The following CERS3 variants were observed in gnomAD, a reference collection of about 807,000 sequenced individuals.
The protein encoded by CERS3 is LAG1 homolog, ceramide synthase 3.
A neutral mutation model predicts 50.3 loss-of-function variants in CERS3; 33 were observed. The ratio of observed to expected loss-of-function variants is 0.66; its 90% CI spans 0.50 to 0.88. CERS3 has a LOEUF of 0.88. CERS3 is among the 40% of genes least tolerant of loss of function. CERS3 has a pLI of 0.00. For missense variants in CERS3, 470 were observed against 460.3 expected, an observed-to-expected ratio of 1.02 and a Z score of -0.19; for synonymous variants, 176 against 155.2, an observed-to-expected ratio of 1.13 and a Z score of -0.99.
chr15:100,537,375 G>T (rs553764273), intron 1 of CERS3, among the ~76,000 whole-genome samples: 2 of 152,354 alleles, frequency 1.3e-5, no homozygotes, highest in South Asian at 4.1e-4. Context: ...GTGTAGCATT[G>T]TGGCTGTTTG....
intron 10 of CERS3, among the ~76,000 whole-genome samples, chr15:100,466,819 C>CTCTCCCTT (rs2034747483): frequency 2.1e-5 from 1 of 47,166 alleles, no homozygotes; most frequent in Non-Finnish European, 4.2e-5. Flanking sequence ...CTCCCTCCCT[C>CTCTCCCTT]TCTCCCTCTC....
At chr15:100,471,751 A>C (rs567118114) in intron 9 of CERS3, among the ~76,000 whole-genome samples, 1 of 152,194 alleles carries the variant, frequency 6.6e-6, no homozygotes. Context: ...AATGGGATTT[A>C]CATGTCTAAT....
At chr15:100,431,330 T>A (rs893695688) in intron 11 of CERS3, among the ~76,000 whole-genome samples, 10 of 152,188 alleles carry the variant, frequency 6.6e-5, no homozygotes, top group Admixed American at 3.9e-4. Context: ...TCTTTAAAAA[T>A]AATCATTTTA....
chr15:100,410,246 G>A (rs1434228240), intron 11 of CERS3, among the ~76,000 whole-genome samples: 1 of 152,168 alleles, frequency 6.6e-6, no homozygotes, highest in African/African-American at 2.4e-5. Flanking sequence ...CAAGTTCCTA[G>A]CTTAATAGTG....
intron 11 of CERS3, among the ~76,000 whole-genome samples, chr15:100,415,841 A>C (rs1005563598): frequency 1.3e-5 from 2 of 152,094 alleles, no homozygotes; most frequent in Non-Finnish European, 2.9e-5. Flanking sequence ...TACCTAATGT[A>C]TGTGGGGCTT....
At chr15:100,474,871 C>G (rs2035078335) in intron 8 of CERS3, among the ~76,000 whole-genome samples, 1 of 152,170 alleles carries the variant, frequency 6.6e-6, no homozygotes, top group African/African-American at 2.4e-5. Context: ...ACCCAGGAGA[C>G]CTGACTCCAG....
At chr15:100,500,151 T>C (rs568412636) in intron 3 of CERS3, 1 of 152,338 alleles carries the variant, frequency 6.6e-6, no homozygotes, top group Admixed American at 6.5e-5. Flanking sequence ...TCTCTCCCTG[T>C]TAAATTTTCC....
intron 9 of CERS3, among the ~76,000 whole-genome samples, chr15:100,471,570 C>A (rs1258080654): frequency 6.6e-6 from 1 of 152,096 alleles, no homozygotes; most frequent in Non-Finnish European, 1.5e-5. Flanking sequence ...TAAGTCGGGG[C>A]CAGTGTGGTC....
chr15:100,455,150 A>T (rs1211125905), intron 11 of CERS3, among the ~76,000 whole-genome samples: 1 of 152,206 alleles, frequency 6.6e-6, no homozygotes, highest in African/African-American at 2.4e-5. Flanking sequence ...GGGAATGTAA[A>T]TTAGTACAAT....
At chr15:100,467,846 T>TAGATAGATAGATAGATAGATAGATAG (rs1555528317) in intron 10 of CERS3, among the ~76,000 whole-genome samples, 1 of 39,072 alleles carries the variant, frequency 2.6e-5, no homozygotes, top group African/African-American at 6.2e-5. Flanking sequence ...TGTATATATA[T>TAGATAGATAGATAGATAGATAGATAG]ATATATAGAT....
chr15:100,416,376 A>G (rs1279385005), intron 11 of CERS3, among the ~76,000 whole-genome samples: 1 of 152,208 alleles, frequency 6.6e-6, no homozygotes, highest in Admixed American at 6.5e-5. Flanking sequence ...AAAACAAGCG[A>G]TGGGGAGCAG....
At chr15:100,427,608 C>T (rs1164022166) in intron 11 of CERS3, among the ~76,000 whole-genome samples, 1 of 152,136 alleles carries the variant, frequency 6.6e-6, no homozygotes, top group Non-Finnish European at 1.5e-5. Context: ...GCTTTGAGGC[C>T]CACCTCAGTT....
intron 2 of CERS3, among the ~76,000 whole-genome samples, chr15:100,512,260 C>T (rs2036365661): frequency 6.6e-6 from 1 of 152,282 alleles, no homozygotes; most frequent in South Asian, 2.1e-4. Flanking sequence ...ACATATTTTC[C>T]CTTTGCCAGC....
rs530768976 is a variant in CERS3 at position 100,497,457 on chromosome 15, A to AT, written c.173+4219dup. 1.5e-4 allele frequency among the ~76,000 whole-genome samples: 23 copies of AT among 151,852 alleles called. No individual in the cohort carries two copies. In the South Asian group the frequency reaches 3.3e-3, roughly 22 times the overall value. ...GAAAATTTTAGTGGAGAAAACATCC[A>AT]TTTTTTTTCTCTATTAGAACAACAC... On this transcript the variant is annotated intron_variant, in intron 3 of 11. Transcript: ENST00000679737.
chr15:100,402,433 T>G lies in CERS3; in HGVS notation c.*280A>C, dbSNP rs2030616794. ...AAAGCGAGCCCCTGAGAAAGTGACA[T>G]GCATGAGGGAGTGCAATTAGAACTG... On this transcript the variant is annotated 3_prime_UTR_variant, in exon 12 of 12. Coordinates refer to ENST00000679737, the MANE Select transcript of CERS3 (RefSeq NM_001378789.1). 5.3e-6 allele frequency: 2 copies of G among 377,822 alleles called. No homozygotes were observed. The highest frequency in any genetic ancestry group is 4.3e-5 in the Admixed American group (1 of 23,436). The allele number at this position is 377,822 out of a possible 1,614,324, so 23.4% of individuals were successfully genotyped here.
intron 1 of CERS3, among the ~76,000 whole-genome samples, chr15:100,537,795 A>G (rs1021170479): frequency 1.3e-5 from 2 of 152,178 alleles, no homozygotes; most frequent in African/African-American, 4.8e-5. Context: ...CACATTTCAA[A>G]ACCAATCATG....
intron 11 of CERS3, among the ~76,000 whole-genome samples, chr15:100,430,766 C>T (rs572570206): frequency 6.6e-6 from 1 of 152,232 alleles, no homozygotes; most frequent in East Asian, 1.9e-4. Context: ...AAGTACATTC[C>T]TTTTTGTTAT....
chr15:100,534,963 A>G (rs72761205), intron 1 of CERS3, among the ~76,000 whole-genome samples: 7,897 of 151,990 alleles, frequency 0.052, 234 homozygotes, highest in Admixed American at 0.093. Flanking sequence ...TCCCACCTAC[A>G]CCTCAAGTTG....
rs375330912 is a variant in CERS3 at position 100,543,312 on chromosome 15, C to T, written c.-355+1339G>A. Reference sequence around the variant, plus strand: ...TGCATGACGATGCACACTTACGCTGCCCAAACCAACCTAACTGGACTGCTT... The same window carrying T: ...TGCATGACGATGCACACTTACGCTGTCCAAACCAACCTAACTGGACTGCTT... On this transcript the variant is annotated intron_variant, in intron 1 of 12. Coordinates refer to the CERS3 transcript ENST00000284382. Among the ~76,000 whole-genome samples the T allele has an allele frequency of 2.6e-5, 4 of 152,288 alleles. No homozygotes were observed. The South Asian group carries it at 6.2e-4, about 24-fold the overall frequency.
Sources: gnomAD v4.1 joint callset for allele counts (sites outside exome capture counted in the v4.1 genomes callset) on GRCh38, gnomAD v4.1.1 for gene constraint, MANE v1.5 for transcripts, NCBI Gene and HGNC (gene_info 2026-07-23, HGNC 2026-07-21) for gene names.